Variants in TRMT44 observed in about 807,000 individuals in gnomAD.
The protein encoded by TRMT44 is probable tRNA (uracil-O(2)-)-methyltransferase.
In TRMT44, 78 loss-of-function variants were observed where a neutral mutation model predicts 77.3. That is an observed-to-expected ratio of 1.01 (90% CI 0.84 to 1.22). The LOEUF (loss-of-function observed/expected upper bound fraction) is 1.22. TRMT44 is among the 50% of genes most tolerant of loss of function. The pLI, the probability that TRMT44 is intolerant of heterozygous loss-of-function variation, is 0.00. For missense variants in TRMT44, 1,090 were observed against 964.4 expected (o/e 1.13, Z -1.73); for synonymous variants, 391 against 383.3 (o/e 1.02, Z -0.23).
chr4:8,464,718 C>G (rs1726408028), intron 7 of TRMT44, among the ~76,000 whole-genome samples: 4 of 152,190 alleles, frequency 2.6e-5, no homozygotes, highest in South Asian at 4.1e-4. Context: ...TAAAGTACTT[C>G]AAGAAGTTTC....
chr4:8,494,924 C>T (rs532302507), downstream of TRMT44, among the ~76,000 whole-genome samples: 48 of 152,246 alleles, frequency 3.2e-4, no homozygotes, highest in South Asian at 3.3e-3. Context: ...GGAGCACCGT[C>T]GTAGGTGTGT....
chr4:8,450,792 G>GTTTTTTTTTTTTTTT (rs59875098), intron 3 of TRMT44, among the ~76,000 whole-genome samples: 1 of 96,674 alleles, frequency 1.0e-5, no homozygotes, highest in Non-Finnish European at 1.9e-5. Flanking sequence ...TCATTTCCAT[G>GTTTTTTTTTTTTTTT]TTTTTTTTTT....
Position 8,461,898 on chromosome 4 carries a change from A to T in TRMT44, c.1204-2087A>T, listed in dbSNP as rs1028227822. Reference sequence around the variant, plus strand: ...AGCTGCAGTTGAGTGGTTTCCACGAACAGGTACAATCTAGAAAGTCAAAGG... The same window carrying T: ...AGCTGCAGTTGAGTGGTTTCCACGATCAGGTACAATCTAGAAAGTCAAAGG... On this transcript the variant is annotated intron_variant, in intron 6 of 10. Transcript: ENST00000389737. This position sits in a 1 kb window ranked among gnomAD's most constrained non-coding sequence, Gnocchi z 4.6. Among the ~76,000 whole-genome samples, 6 of 152,088 alleles carry T rather than the reference A, an allele frequency of 3.9e-5. No individual in the cohort carries two copies. Among genetic ancestry groups the T allele is most frequent in the Admixed American group, 2.6e-4 (4 of 15,270 alleles).
At chr4:8,468,551 T>TA in intron 9 of TRMT44, 1 of 608,870 alleles carries the variant, frequency 1.6e-6, no homozygotes, top group East Asian at 2.7e-5. Flanking sequence ...GACTTTGTTA[T>TA]TTCCAGGGAG....
At position 8,444,159 on chromosome 4, in the gene TRMT44, G is replaced by T. The variant is rs889153967; in HGVS notation, c.620-2317G>T. 1.2e-4 allele frequency among the ~76,000 whole-genome samples: 18 copies of T among 152,152 alleles called. No homozygotes were observed. Among genetic ancestry groups the T allele is most frequent in the African/African-American group, 3.9e-4 (16 of 41,522 alleles). ...CAGAGGTTTCAGTCGGGGCAGTTTT[G>T]ATCCTCAGAAGTTTGTCATTCAAAC... is the stretch of plus-strand genomic sequence containing the variant. On this transcript the variant is annotated intron_variant, in intron 1 of 10. Coordinates refer to ENST00000389737, the MANE Select transcript of TRMT44 (RefSeq NM_152544.3). This position sits in a 1 kb window ranked among gnomAD's most constrained non-coding sequence, Gnocchi z 4.0.
At position 8,471,213 on chromosome 4, in the gene TRMT44, C is replaced by G. The variant is rs940769846; in HGVS notation, c.2044+13C>G. 1 of 1,504,266 alleles carries G rather than the reference C, an allele frequency of 6.6e-7. No individual in the cohort carries two copies. The highest frequency in any genetic ancestry group is 9.0e-7 in the Non-Finnish European group (1 of 1,107,946). The allele number at this position is 1,504,266 out of a possible 1,614,324, so 93.2% of individuals were successfully genotyped here. ...CAGGTGTTCCAAGGTACGGAGTCCG[C>G]CTCTCCCCCGCCGTTCTTTCCTTCT... On this transcript the variant is annotated intron_variant, in intron 10 of 10. Coordinates refer to ENST00000389737, the MANE Select transcript of TRMT44 (RefSeq NM_152544.3).
At chr4:8,449,165 G>GC (rs1273096763) in intron 2 of TRMT44, among the ~76,000 whole-genome samples, 5 of 152,210 alleles carry the variant, frequency 3.3e-5, no homozygotes, top group African/African-American at 1.2e-4. Flanking sequence ...ACAGACAGAA[G>GC]CCCCCCACTG....
chr4:8,490,672 T>C lies in TRMT44; in HGVS notation n.3892-2594T>C, dbSNP rs979777741. 2.0e-5 allele frequency among the ~76,000 whole-genome samples: 3 copies of C among 152,288 alleles called. No individual in the cohort carries two copies. In the South Asian group the frequency reaches 6.2e-4, roughly 32 times the overall value. On this transcript the variant is annotated intron_variant and non_coding_transcript_variant, in intron 2 of 2. Transcript: ENST00000511366. ...AGTGTTACAGCTCATAAAAGCAGCG[T>C]GGACCCAAAGAGTGAGCAGTAGCAA...
At chr4:8,515,141 T>G in the TRMT44 span, among the ~76,000 whole-genome samples, 2 of 152,200 alleles carry the variant, frequency 1.3e-5, no homozygotes, top group African/African-American at 4.8e-5. Context: ...AATTTTTGTA[T>G]TTTTTTGTAG....
the TRMT44 span, among the ~76,000 whole-genome samples, chr4:8,512,995 C>T: frequency 2.0e-5 from 3 of 152,196 alleles, no homozygotes; most frequent in African/African-American, 7.2e-5. Flanking sequence ...TCACTGCAAC[C>T]TCCGCCTCCT....
At chr4:8,485,438 GTT>G (rs1727773444) in intron 2 of TRMT44, among the ~76,000 whole-genome samples, 1 of 152,206 alleles carries the variant, frequency 6.6e-6, no homozygotes, top group South Asian at 2.1e-4. Flanking sequence ...TGTAAGGAGA[GTT>G]TATAGGTTTT....
At chr4:8,478,392 C>A (rs1727496013), downstream of TRMT44, 1 of 152,438 alleles carries the variant, frequency 6.6e-6, no homozygotes, top group Non-Finnish European at 1.5e-5. Context: ...CCATAGGCCC[C>A]TCCGTGTCAC....
chr4:8,457,495 C>T (rs984442617), intron 6 of TRMT44, among the ~76,000 whole-genome samples: 1 of 152,130 alleles, frequency 6.6e-6, no homozygotes, highest in Admixed American at 6.5e-5. Context: ...CTGCTTGACC[C>T]CAAACACAGC....
chr4:8,440,908 A>C lies in TRMT44; in HGVS notation c.86A>C (p.Glu29Ala). Residue 29 changes from glutamate to alanine, a missense_variant, in exon 1 of 11, where the codon GAG becomes GCG. Coordinates refer to ENST00000389737, the MANE Select transcript of TRMT44 (RefSeq NM_152544.3). ...TGGGCTGCGGTCGAAGTGTGGCTGG[A>C]GAGGCCGCAGGTGGCAAACAAACGG... Reference protein sequence around the residue: ...GFWAAVEVWLERPQVANKRLC... With the variant: ...GFWAAVEVWLARPQVANKRLC... 1 of 1,530,238 alleles carries C rather than the reference A, an allele frequency of 6.5e-7. No individual in the cohort carries two copies. The highest frequency in any genetic ancestry group is 8.7e-7 in the Non-Finnish European group (1 of 1,145,464). 94.8% of individuals were successfully genotyped at this position (1,530,238 alleles called of 1,614,324 possible).
intron 8 of TRMT44, among the ~76,000 whole-genome samples, chr4:8,467,204 C>G (rs909398496): frequency 6.6e-6 from 1 of 152,230 alleles, no homozygotes; most frequent in Non-Finnish European, 1.5e-5. Flanking sequence ...AAAGCTGCCT[C>G]CCTTCCCAGC....
intron 6 of TRMT44, among the ~76,000 whole-genome samples, chr4:8,457,038 C>T (rs1725856150): frequency 7.0e-6 from 1 of 143,516 alleles, no homozygotes; most frequent in Admixed American, 7.1e-5. Context: ...CCAACTATCT[C>T]TACAAAAAAT....
At chr4:8,458,937 A>G (rs975863888) in intron 6 of TRMT44, among the ~76,000 whole-genome samples, 5 of 151,874 alleles carry the variant, frequency 3.3e-5, no homozygotes, top group African/African-American at 1.2e-4. Flanking sequence ...AGTGGCTCAC[A>G]CCAGCAATCC....
chr4:8,452,891 G>A lies in TRMT44; in HGVS notation c.1033G>A (p.Glu345Lys). The change falls in exon 5 of 11, where the codon GAA becomes AAA. Residue 345 changes from glutamate (E) to lysine (K), a missense_variant. Physicochemically the swap from Glu to Lys is moderately conservative, Grantham distance 56. Coordinates refer to ENST00000389737, the MANE Select transcript of TRMT44 (RefSeq NM_152544.3). The surrounding 1 kb of genome is among the most constrained non-coding windows in gnomAD (Gnocchi z 5.7). Reference protein sequence around the residue: ...AIAAYLLILWEEERAERRLTA... With the variant: ...AIAAYLLILWKEERAERRLTA... ...TTTTCTCTTCACTTAGATTCTATGG[G>A]AAGAAGAAAGGGCTGAGAGGAGACT... The A allele has an allele frequency of 1.3e-6, 2 of 1,526,368 alleles. No homozygotes were observed. The highest frequency in any genetic ancestry group is 1.8e-6 in the Non-Finnish European group (2 of 1,141,422). The allele number at this position is 1,526,368 out of a possible 1,614,324, so 94.6% of individuals were successfully genotyped here. A position where few individuals can be genotyped will look rare whatever the true frequency, so the allele number is the denominator to read the frequency against.
rs1460466897 is a variant in TRMT44, at chr4:8,444,995, G to A, written c.620-1481G>A. ...GAGAGGATGCTGCTGGCATCTAGTGGGTAGGGGCCAGGGCTTCTTATAAAC... is the reference window on the plus strand; with the variant it reads ...GAGAGGATGCTGCTGGCATCTAGTGAGTAGGGGCCAGGGCTTCTTATAAAC... On this transcript the variant is annotated intron_variant, in intron 1 of 10. Transcript: ENST00000389737. This position sits in a 1 kb window ranked among gnomAD's most constrained non-coding sequence, Gnocchi z 4.0. Among the ~76,000 whole-genome samples the A allele has an allele frequency of 6.6e-6, 1 of 152,166 alleles. No individual in the cohort carries two copies. Among genetic ancestry groups the A allele is most frequent in the Non-Finnish European group, 1.5e-5 (1 of 68,022 alleles).
Sources: allele counts gnomAD v4.1 joint callset (sites outside exome capture counted in the v4.1 genomes callset), GRCh38; gene constraint gnomAD v4.1.1; non-coding constraint Gnocchi (gnomAD v3.1); transcripts MANE v1.5; gene names NCBI Gene and HGNC (gene_info 2026-07-23, HGNC 2026-07-21).